JAZF1: variants seen among roughly 807,000 people sequenced by gnomAD.
The protein encoded by JAZF1 is JAZF zinc finger 1, also known as juxtaposed with another zinc finger protein 1.
Under a neutral mutation model 26.4 loss-of-function variants are expected in JAZF1, and 8 were observed. That is an observed-to-expected ratio of 0.30 (90% CI 0.18 to 0.55). The LOEUF (loss-of-function observed/expected upper bound fraction) is 0.55, where lower values mean the gene tolerates loss of function less well. Ranked by LOEUF, JAZF1 falls within the 20% of genes least tolerant of loss-of-function variation. The pLI is 0.94. For synonymous variants in JAZF1, 126 were observed against 122.3 expected, an observed-to-expected ratio of 1.03 and a Z score of -0.20; for missense variants, 199 against 322.0, an observed-to-expected ratio of 0.62 and a Z score of 2.92.
At chr7:28,096,109 G>C (rs991490786) in intron 1 of JAZF1, among the ~76,000 whole-genome samples, 1 of 152,228 alleles carries the variant, frequency 6.6e-6, no homozygotes, top group Non-Finnish European at 1.5e-5. Context: ...GATGGCGTGA[G>C]ACAGAAGACA....
chr7:27,964,616 C>T (rs998340230), intron 2 of JAZF1, among the ~76,000 whole-genome samples: 1 of 150,674 alleles, frequency 6.6e-6, no homozygotes, highest in African/African-American at 2.4e-5. Context: ...TTACTTTTTA[C>T]TATTTCCCTA....
intron 1 of JAZF1, among the ~76,000 whole-genome samples, chr7:28,175,252 G>T (rs1321978065): frequency 6.6e-6 from 1 of 152,156 alleles, no homozygotes; most frequent in Admixed American, 6.5e-5. Context: ...AGACTGTTGA[G>T]GAGTCTCCTA....
chr7:27,990,576 G>A (rs1274974185), intron 2 of JAZF1, among the ~76,000 whole-genome samples: 1 of 152,072 alleles, frequency 6.6e-6, no homozygotes, highest in African/African-American at 2.4e-5. Context: ...ATATACATAG[G>A]TGACATATTT....
intron 1 of JAZF1, among the ~76,000 whole-genome samples, chr7:28,142,170 G>A (rs1356920597): frequency 1.3e-5 from 2 of 152,140 alleles, no homozygotes; most frequent in Non-Finnish European, 2.9e-5. Context: ...CATGAAAACA[G>A]AATTTCGTAA....
intron 2 of JAZF1, chr7:27,913,410 A>T: frequency 2.2e-6 from 1 of 460,428 alleles, no homozygotes; most frequent in South Asian, 1.6e-5. Context: ...CAAGTAGGAC[A>T]GCGAGAAGGG....
At chr7:27,912,176 C>A (rs910685105) in intron 2 of JAZF1, among the ~76,000 whole-genome samples, 2 of 152,138 alleles carry the variant, frequency 1.3e-5, no homozygotes, top group African/African-American at 4.8e-5. Context: ...GGGATCCCAA[C>A]AATTTGCTGA....
At position 28,004,401 on chromosome 7, in the gene JAZF1, TA is replaced by T. The variant is rs72501870; in HGVS notation, c.116-12421del. On this transcript the variant is annotated intron_variant, in intron 1 of 4. Transcript: ENST00000283928. Reference sequence around the variant, plus strand: ...GCCCATTATTATCACCTGGGTAACTTAAAAAAAAAAAAAGTCTGATGCCAAG... The same window carrying T: ...GCCCATTATTATCACCTGGGTAACTTAAAAAAAAAAAAGTCTGATGCCAAG... Among the ~76,000 whole-genome samples, 508 of 142,724 alleles carry T rather than the reference TA, an allele frequency of 3.6e-3. 2 individuals carry two copies. Among genetic ancestry groups the T allele is most frequent in the Middle Eastern group, 0.015 (4 of 268 alleles). 93.6% of individuals were successfully genotyped at this position (142,724 alleles called of 152,430 possible).
intron 2 of JAZF1, among the ~76,000 whole-genome samples, chr7:27,935,325 TA>T (rs1784749659): frequency 1.3e-5 from 2 of 152,290 alleles, no homozygotes; most frequent in South Asian, 4.1e-4. Flanking sequence ...AGTGAGAAAT[TA>T]ATAAACAAAA....
At chr7:28,038,837 T>C (rs1272129014) in intron 1 of JAZF1, among the ~76,000 whole-genome samples, 1 of 152,350 alleles carries the variant, frequency 6.6e-6, no homozygotes, top group Admixed American at 6.5e-5. Flanking sequence ...GGTAGTTTAG[T>C]ACATATTCAG....
intron 1 of JAZF1, among the ~76,000 whole-genome samples, chr7:27,993,253 C>A (rs1377087535): frequency 6.6e-6 from 1 of 152,158 alleles, no homozygotes; most frequent in Non-Finnish European, 1.5e-5. Context: ...AAACAAGAGA[C>A]AAAGATTCTC....
At chr7:27,939,521 T>C (rs761137733) in intron 2 of JAZF1, among the ~76,000 whole-genome samples, 25 of 152,190 alleles carry the variant, frequency 1.6e-4, no homozygotes, top group Admixed American at 4.6e-4. Context: ...TGTGTGTCCC[T>C]GGGGTGAGAT....
chr7:27,918,411 T>C (rs1381016713), intron 2 of JAZF1, among the ~76,000 whole-genome samples: 3 of 152,320 alleles, frequency 2.0e-5, no homozygotes, highest in South Asian at 2.1e-4. Flanking sequence ...TTAGCACTTA[T>C]TTTATAATTG....
chr7:27,916,103 C>A (rs1372746211), intron 2 of JAZF1, among the ~76,000 whole-genome samples: 2 of 152,094 alleles, frequency 1.3e-5, no homozygotes, highest in Non-Finnish European at 2.9e-5. Context: ...CCCTAGTGAG[C>A]TGGAATTCTC....
chr7:27,867,160 T>C (rs1225777229), intron 3 of JAZF1, among the ~76,000 whole-genome samples: 2 of 152,176 alleles, frequency 1.3e-5, no homozygotes, highest in South Asian at 2.1e-4. Context: ...AGGGTGGATA[T>C]TTTTATGCCA....
chr7:28,051,150 A>AAAAAAACAAAAC (rs1562570680), intron 1 of JAZF1, among the ~76,000 whole-genome samples: 1 of 135,696 alleles, frequency 7.4e-6, no homozygotes, highest in Non-Finnish European at 1.5e-5. Context: ...AAAAAAAAAA[A>AAAAAAACAAAAC]AAAAAACAAA....
At chr7:28,123,655 T>C (rs537740493) in intron 1 of JAZF1, among the ~76,000 whole-genome samples, 131 of 152,350 alleles carry the variant, frequency 8.6e-4, no homozygotes, top group African/African-American at 3.1e-3. Flanking sequence ...GCAAACACTT[T>C]CCCAGAATTC....
chr7:28,074,109 A>AC (rs1784017718), intron 1 of JAZF1, among the ~76,000 whole-genome samples: 1 of 152,156 alleles, frequency 6.6e-6, no homozygotes, highest in Admixed American at 6.5e-5. Flanking sequence ...CCTCATGTCT[A>AC]CCTATGTGTT....
chr7:28,026,496 C>T (rs1414421904), intron 1 of JAZF1, among the ~76,000 whole-genome samples: 1 of 152,178 alleles, frequency 6.6e-6, no homozygotes, highest in Non-Finnish European at 1.5e-5. Context: ...TGCTTTCCCC[C>T]TCAAGGCTCA....
chr7:28,042,229 A>T (rs1243223495), intron 1 of JAZF1, among the ~76,000 whole-genome samples: 1 of 152,204 alleles, frequency 6.6e-6, no homozygotes, highest in East Asian at 1.9e-4. Flanking sequence ...TGATGTGTGG[A>T]ACAAGTAGCC....
Sources: allele counts gnomAD v4.1 joint callset (sites outside exome capture counted in the v4.1 genomes callset), GRCh38; gene constraint gnomAD v4.1.1; transcripts MANE v1.5; gene names NCBI Gene and HGNC (gene_info 2026-07-23, HGNC 2026-07-21).